SH3YL1: variants seen among roughly 807,000 people sequenced by gnomAD.
SH3YL1 encodes SH3 and SYLF domain containing 1.
A neutral mutation model predicts 45.8 loss-of-function variants in SH3YL1; 41 were observed. The ratio of observed to expected loss-of-function variants is 0.89; its 90% CI spans 0.70 to 1.16. The LOEUF (loss-of-function observed/expected upper bound fraction) is 1.16, where lower values mean the gene tolerates loss of function less well. Ranked by LOEUF, SH3YL1 falls within the 50% of genes most tolerant of loss-of-function variation. The probability of loss-of-function intolerance (pLI) is 0.00; values close to 1 mark genes in which losing one functional copy is unlikely to be tolerated. For synonymous variants in SH3YL1, 152 were observed against 151.4 expected, an observed-to-expected ratio of 1.00 and a Z score of -0.03; for missense variants, 389 against 409.6, an observed-to-expected ratio of 0.95 and a Z score of 0.43.
chr2:230,931 G>T, intron 7 of SH3YL1, 92 bp downstream of exon 7: 1 of 1,238,818 alleles, frequency 8.1e-7, no homozygotes, highest in Non-Finnish European at 1.2e-6. Flanking sequence ...AGGAGGCTTA[G>T]TAGGTTCTTA....
chr2:244,915 C>G (rs1668724186), intron 4 of SH3YL1, among the ~76,000 whole-genome samples: 1 of 152,030 alleles, frequency 6.6e-6, no homozygotes, highest in Admixed American at 6.6e-5. Flanking sequence ...GAAGTGCCCT[C>G]AGAGGTTGGT....
chr2:250,875 C>T (rs1669043634), intron 2 of SH3YL1, among the ~76,000 whole-genome samples: 1 of 152,188 alleles, frequency 6.6e-6, no homozygotes, highest in African/African-American at 2.4e-5. Flanking sequence ...AGGTTGCATC[C>T]TGGATGGCTG....
intron 2 of SH3YL1, 119 bp from the exon 3 acceptor site, chr2:249,963 A>G (rs1282410814): frequency 1.5e-6 from 1 of 670,454 alleles, no homozygotes; most frequent in Non-Finnish European, 2.6e-6. Flanking sequence ...CGGGGCACAC[A>G]GGAGCAATGA....
chr2:221,993 G>A (rs1401889797), intron 9 of SH3YL1, among the ~76,000 whole-genome samples: 1 of 152,140 alleles, frequency 6.6e-6, no homozygotes, highest in African/African-American at 2.4e-5. Context: ...AATAAAAGGT[G>A]AGTCAAGTAA....
chr2:262,669 C>G, intron 1 of SH3YL1: 2 of 1,304,256 alleles, frequency 1.5e-6, no homozygotes, highest in Non-Finnish European at 2.0e-6. Flanking sequence ...TTGTGAGGCT[C>G]TCAGCAGAGT....
rs1667453310 is a variant in SH3YL1 at position 218,700 on chromosome 2, TTGTAGAACAGAAG to T, written c.*98_*110del. ...ATCTTTTACATACGGAATGGAAATT[TTGTAGAACAGAAG>T]TTTTTTAAAATTTATATTAAACATT... On this transcript the variant is annotated 3_prime_UTR_variant, in exon 10 of 10. Transcript: ENST00000356150. The T allele has an allele frequency of 7.5e-6, 7 of 933,396 alleles. No homozygotes were observed. In the African/African-American group the frequency reaches 8.4e-5, roughly 11 times the overall value. 57.8% of individuals were successfully genotyped at this position (933,396 alleles called of 1,614,324 possible).
chr2:236,750 C>T (rs1040904500), intron 4 of SH3YL1, among the ~76,000 whole-genome samples: 3 of 152,132 alleles, frequency 2.0e-5, no homozygotes, highest in African/African-American at 7.2e-5. Context: ...AATCAATGCT[C>T]TCAAGTCAAC....
intron 4 of SH3YL1, among the ~76,000 whole-genome samples, chr2:235,346 TCAGGGGAGGCAGCATGGGC>T (rs1668240226): frequency 3.5e-5 from 5 of 143,290 alleles, no homozygotes; most frequent in African/African-American, 5.2e-5. Flanking sequence ...GCAGCATGGG[TCAGGGGAGGCAGCATGGGC>T]CAGGGGAGGC....
rs771773658 is a variant in SH3YL1, at chr2:242,767, C to T, written c.291+4771G>A. The T allele has an allele frequency of 2.6e-6, 4 of 1,532,720 alleles. No homozygotes were observed. The Admixed American group carries it at 8.3e-5, about 32-fold the overall frequency. The allele number at this position is 1,532,720 out of a possible 1,614,324, so 94.9% of individuals were successfully genotyped here. On this transcript the variant is annotated intron_variant, in intron 4 of 9. Transcript: ENST00000356150. Reference sequence around the variant, plus strand: ...AACAACAACATCCAATTATATGCTCCATAGGAGACACGCTTTAGATTCAAA... The same window carrying T: ...AACAACAACATCCAATTATATGCTCTATAGGAGACACGCTTTAGATTCAAA...
rs1667959726 is a variant in SH3YL1, at chr2:229,954, A to C, written c.781+12T>G. On this transcript the variant is annotated intron_variant, in intron 8 of 9. Coordinates refer to ENST00000356150, the MANE Select transcript of SH3YL1 (RefSeq NM_015677.4). ...ATTACAACTGTATTTGAATTGCAAC[A>C]AAAATATTTACTTTGAGAGCCAGAG... The C allele has an allele frequency of 6.2e-7, 1 of 1,606,276 alleles. No homozygotes were observed. The highest frequency in any genetic ancestry group is 1.3e-5 in the African/African-American group (1 of 74,754).
chr2:248,595 G>T (rs1269278913), intron 3 of SH3YL1, among the ~76,000 whole-genome samples: 1 of 152,178 alleles, frequency 6.6e-6, no homozygotes, highest in African/African-American at 2.4e-5. Context: ...CCAGTAGAAA[G>T]GTTTGCTGGG....
At chr2:258,128 A>G (rs572603320) in intron 1 of SH3YL1, among the ~76,000 whole-genome samples, 20 of 152,244 alleles carry the variant, frequency 1.3e-4, no homozygotes, top group African/African-American at 4.3e-4. Context: ...TGCCTTGGCT[A>G]TTTGGGCTCT....
intron 1 of SH3YL1, among the ~76,000 whole-genome samples, chr2:258,836 T>C (rs2103059342): frequency 6.6e-6 from 1 of 152,340 alleles, no homozygotes; most frequent in Middle Eastern, 3.4e-3. Flanking sequence ...GCAGTTGTTC[T>C]TGCCTGCTTT....
At position 221,248 on chromosome 2, in the gene SH3YL1, A is replaced by G. The variant is rs1028423749; in HGVS notation, c.839-2247T>C. ...AAACTGACATTTATCGGAGCATTTT[A>G]CTTTTATGAGGCAAATGTTCAAGGG... On this transcript the variant is annotated intron_variant, in intron 9 of 9. Transcript: ENST00000356150. 1.6e-4 allele frequency among the ~76,000 whole-genome samples: 24 copies of G among 152,318 alleles called. No homozygotes were observed. In the East Asian group the frequency reaches 1.7e-3, roughly 11 times the overall value.
At chr2:229,409 A>G (rs1667929815) in intron 8 of SH3YL1, among the ~76,000 whole-genome samples, 1 of 152,242 alleles carries the variant, frequency 6.6e-6, no homozygotes, top group South Asian at 2.1e-4. Context: ...AAAACCTTTG[A>G]AGATAAATAT....
chr2:231,317 CT>C, intron 6 of SH3YL1, 126 bp from the exon 7 acceptor site: 2 of 710,186 alleles, frequency 2.8e-6, no homozygotes, highest in Non-Finnish European at 4.5e-6. Flanking sequence ...ATATACACTA[CT>C]TTTTAAACAC....
intron 1 of SH3YL1, chr2:260,423 C>A (rs1052299988): frequency 1.3e-5 from 2 of 152,254 alleles, no homozygotes; most frequent in Admixed American, 1.3e-4. Context: ...ATCAGGACGA[C>A]ATTCCTTTTG....
At chr2:227,340 C>A (rs933072835) in intron 8 of SH3YL1, among the ~76,000 whole-genome samples, 5 of 151,800 alleles carry the variant, frequency 3.3e-5, no homozygotes, top group African/African-American at 1.2e-4. Context: ...AATAAAAGTG[C>A]CAGTATATAT....
intron 4 of SH3YL1, among the ~76,000 whole-genome samples, chr2:237,507 G>A (rs780237182): frequency 4.0e-5 from 6 of 151,870 alleles, no homozygotes; most frequent in Non-Finnish European, 7.4e-5. Context: ...ACATTGGGAC[G>A]GCACTCTCAG....
Sources: allele counts gnomAD v4.1 joint callset (sites outside exome capture counted in the v4.1 genomes callset), GRCh38; gene constraint gnomAD v4.1.1; transcripts MANE v1.5; gene names NCBI Gene and HGNC (gene_info 2026-07-23, HGNC 2026-07-21).